Variants in DOCK8 observed in about 807,000 individuals in gnomAD.
The protein encoded by DOCK8 is dedicator of cytokinesis 8.
A neutral mutation model predicts 245.6 loss-of-function variants in DOCK8; 141 were observed. That is an observed-to-expected ratio of 0.57 (90% CI 0.50 to 0.66). The LOEUF (loss-of-function observed/expected upper bound fraction) is 0.66. Ranked by LOEUF, DOCK8 falls within the 30% of genes least tolerant of loss-of-function variation. The pLI is 0.00. For missense variants in DOCK8, 2,965 were observed against 2,603.4 expected, an observed-to-expected ratio of 1.14 and a Z score of -3.02; for synonymous variants, 1,168 against 970.2, an observed-to-expected ratio of 1.20 and a Z score of -3.79.
chr9:316,243 C>T (rs1441004979), intron 6 of DOCK8, among the ~76,000 whole-genome samples: 2 of 152,182 alleles, frequency 1.3e-5, no homozygotes, highest in Admixed American at 6.5e-5. Flanking sequence ...GCAGAGCACT[C>T]ACCAGTGTTT....
intron 18 of DOCK8, among the ~76,000 whole-genome samples, chr9:375,746 C>A (rs1392379014): frequency 6.6e-6 from 1 of 152,112 alleles, no homozygotes; most frequent in Non-Finnish European, 1.5e-5. Context: ...CCTGTAATCC[C>A]AACATTTTGG....
Position 433,857 on chromosome 9 carries a change from G to A in DOCK8, c.4786-18G>A, listed in dbSNP as rs770553018. 1 of 1,591,914 alleles carries A rather than the reference G, an allele frequency of 6.3e-7. No homozygotes were observed. Among genetic ancestry groups the A allele is most frequent in the African/African-American group, 1.3e-5 (1 of 74,606 alleles). ...GACTACAAAGCTAAGATTATTTTGAGGCTTACACTTTTTGCAGGTGGAGGA... is the reference window on the plus strand; with the variant it reads ...GACTACAAAGCTAAGATTATTTTGAAGCTTACACTTTTTGCAGGTGGAGGA... On this transcript the variant is annotated intron_variant, in intron 37 of 47. Transcript: ENST00000432829.
intron 18 of DOCK8, among the ~76,000 whole-genome samples, chr9:374,974 G>A (rs757129722): frequency 6.6e-6 from 1 of 152,102 alleles, no homozygotes; most frequent in Non-Finnish European, 1.5e-5. Flanking sequence ...GGTCACAGCT[G>A]TTCTCTTCAC....
chr9:387,618 G>A (rs536386410), intron 23 of DOCK8, among the ~76,000 whole-genome samples: 4 of 152,300 alleles, frequency 2.6e-5, no homozygotes, highest in South Asian at 4.1e-4. Context: ...TGGGAGGGCC[G>A]GGGCCTGGTG....
intron 14 of DOCK8, 131 bp downstream of exon 14, chr9:340,452 CT>C: frequency 1.1e-5 from 13 of 1,175,546 alleles, no homozygotes; most frequent in Non-Finnish European, 1.6e-5. Flanking sequence ...AAAACCGTGT[CT>C]CTACAACATA....
At chr9:275,944 G>A (rs543656162) in intron 2 of DOCK8, among the ~76,000 whole-genome samples, 2 of 150,666 alleles carry the variant, frequency 1.3e-5, no homozygotes, top group African/African-American at 2.4e-5. Context: ...AGGCTGGAGT[G>A]CAGTGATGTG....
At chr9:275,715 A>G (rs1434267779) in intron 2 of DOCK8, among the ~76,000 whole-genome samples, 3 of 151,720 alleles carry the variant, frequency 2.0e-5, no homozygotes, top group African/African-American at 4.8e-5. Flanking sequence ...CAGCCTCCCC[A>G]GTAGCTAGGA....
intron 42 of DOCK8, 93 bp downstream of exon 42, chr9:442,102 T>C (rs1220478552): frequency 3.2e-6 from 5 of 1,543,664 alleles, no homozygotes; most frequent in South Asian, 1.1e-5. Context: ...TAAAGAGTTA[T>C]GGATTCATCA....
chr9:422,010 G>A (rs756940767), intron 32 of DOCK8, 38 bp from the exon 33 acceptor site: 1 of 1,544,528 alleles, frequency 6.5e-7, no homozygotes, highest in South Asian at 1.1e-5. Flanking sequence ...AGGGTTTCAT[G>A]CTAATCAAAT....
chr9:242,237 T>C (rs1474210779), intron 1 of DOCK8, among the ~76,000 whole-genome samples: 1 of 152,102 alleles, frequency 6.6e-6, no homozygotes, highest in Non-Finnish European at 1.5e-5. Context: ...ACTCCCCACC[T>C]CACCACCCCC....
chr9:288,456 C>G (rs761611788), intron 3 of DOCK8, among the ~76,000 whole-genome samples: 5 of 152,194 alleles, frequency 3.3e-5, no homozygotes, highest in Non-Finnish European at 7.3e-5. Flanking sequence ...AATAGTAATG[C>G]CTGCCCTATG....
chr9:433,642 G>C (rs1247767911), intron 37 of DOCK8, among the ~76,000 whole-genome samples: 1 of 152,146 alleles, frequency 6.6e-6, no homozygotes, highest in Non-Finnish European at 1.5e-5. Context: ...ATAGTATGAG[G>C]ATTCAGGCAG....
chr9:295,747 TA>T (rs1187720658), intron 4 of DOCK8, among the ~76,000 whole-genome samples: 3 of 152,332 alleles, frequency 2.0e-5, no homozygotes, highest in African/African-American at 7.2e-5. Flanking sequence ...GATAGGCTTT[TA>T]TGTCCTTGCT....
At chr9:358,753 G>T (rs1200961751) in intron 14 of DOCK8, among the ~76,000 whole-genome samples, 2 of 150,594 alleles carry the variant, frequency 1.3e-5, no homozygotes, top group Non-Finnish European at 3.0e-5. Flanking sequence ...GGAGGCTGAG[G>T]CAGGAGAATC....
chr9:243,580 T>C (rs2047429018), intron 1 of DOCK8, among the ~76,000 whole-genome samples: 2 of 152,176 alleles, frequency 1.3e-5, no homozygotes, highest in African/African-American at 4.8e-5. Context: ...GACTGACCCA[T>C]GTTCTGTTTC....
intron 1 of DOCK8, among the ~76,000 whole-genome samples, chr9:219,687 A>C (rs2046841454): frequency 6.6e-6 from 1 of 152,084 alleles, no homozygotes; most frequent in Non-Finnish European, 1.5e-5. Context: ...GCTCGAGCCC[A>C]GGAGTTCGAG....
rs553508543 is a variant in DOCK8 at position 291,289 on chromosome 9, G to C, written c.404+1708G>C. 4.6e-5 allele frequency among the ~76,000 whole-genome samples: 7 copies of C among 151,992 alleles called. No individual in the cohort carries two copies. In the East Asian group the frequency reaches 1.3e-3, roughly 29 times the overall value. The stretch of plus-strand genomic sequence containing the variant: ...TGATTTTTCTTGATCTTGCACAAAT[G>C]TAAGAGAAAAAAATGACTCTTTTTG... On this transcript the variant is annotated intron_variant, in intron 4 of 47. Coordinates refer to ENST00000432829, the MANE Select transcript of DOCK8 (RefSeq NM_203447.4).
chr9:443,388 TAA>T (rs1162576555), intron 42 of DOCK8, 37 bp from the exon 43 acceptor site: 1 of 1,584,572 alleles, frequency 6.3e-7, no homozygotes. Context: ...TGCATTATGT[TAA>T]AATAACCTTT....
intron 8 of DOCK8, 21 bp downstream of exon 8, chr9:325,758 C>G: frequency 6.2e-7 from 1 of 1,601,004 alleles, no homozygotes; most frequent in Non-Finnish European, 8.6e-7. Context: ...AAAGAAAAAT[C>G]CATCCCTAAG....
Sources: gnomAD v4.1 joint callset for allele counts (sites outside exome capture counted in the v4.1 genomes callset) on GRCh38, gnomAD v4.1.1 for gene constraint, MANE v1.5 for transcripts, NCBI Gene and HGNC (gene_info 2026-07-23, HGNC 2026-07-21) for gene names.